Variants in FIP1L1 observed in about 807,000 individuals in gnomAD.
FIP1L1 encodes factor interacting with PAPOLA and CPSF1.
Under a neutral mutation model 84.6 loss-of-function variants are expected in FIP1L1, and 21 were observed. That is an observed-to-expected ratio of 0.25 (90% confidence interval 0.18 to 0.36). The LOEUF (loss-of-function observed/expected upper bound fraction) is 0.36. FIP1L1 is among the 10% of genes least tolerant of loss of function. The pLI is 1.00. For missense variants in FIP1L1, 526 were observed against 751.1 expected, an observed-to-expected ratio of 0.70 and a Z score of 3.50; for synonymous variants, 263 against 242.3, an observed-to-expected ratio of 1.09 and a Z score of -0.80.
rs187509752 is a variant in FIP1L1, at chr4:53,437,881, A to G, written c.1175-4772A>G. Among the ~76,000 whole-genome samples the G allele has an allele frequency of 1.1e-3, 173 of 152,080 alleles. 2 individuals are homozygous for G. In the East Asian group the frequency reaches 0.03, roughly 27 times the overall value. ...GCTGGGACTACAGGTGCATGCCACC[A>G]TGCTTGGCTAATTTTTTGTATTTTT... On this transcript the variant is annotated intron_variant, in intron 13 of 17. Transcript: ENST00000337488.
chr4:53,378,124 C>A, intron 1 of FIP1L1: 1 of 464,480 alleles, frequency 2.2e-6, no homozygotes, highest in Non-Finnish European at 3.8e-6. Context: ...GCCCACCATG[C>A]GCATCCACCC....
intron 3 of FIP1L1, among the ~76,000 whole-genome samples, chr4:53,381,402 C>G (rs1288837907): frequency 3.3e-5 from 5 of 152,082 alleles, no homozygotes; most frequent in Non-Finnish European, 7.4e-5. Context: ...CAAGTTTTGA[C>G]TAAAGAAGGG....
At chr4:53,391,984 T>C (rs917107426) in intron 9 of FIP1L1, among the ~76,000 whole-genome samples, 27 of 152,194 alleles carry the variant, frequency 1.8e-4, no homozygotes, top group African/African-American at 5.3e-4. Flanking sequence ...TCTGAGAGGC[T>C]TTAAGAACTC....
At chr4:53,397,820 T>C (rs777222840) in intron 9 of FIP1L1, among the ~76,000 whole-genome samples, 10 of 152,226 alleles carry the variant, frequency 6.6e-5, no homozygotes, top group Non-Finnish European at 1.3e-4. Flanking sequence ...GCTCAGTAGA[T>C]GATGGTGCCA....
At chr4:53,391,707 C>T (rs922089037) in intron 9 of FIP1L1, among the ~76,000 whole-genome samples, 7 of 152,036 alleles carry the variant, frequency 4.6e-5, no homozygotes, top group East Asian at 1.9e-4. Flanking sequence ...TAACAAATGC[C>T]GAGTAAAACT....
chr4:53,411,480 T>C (rs79035839), intron 10 of FIP1L1, among the ~76,000 whole-genome samples: 2,046 of 147,380 alleles, frequency 0.014, 45 homozygotes, highest in African/African-American at 0.049. Context: ...CCCATAAAAG[T>C]ATTTTTTTTG....
In FIP1L1 at chr4:53,460,053, A is replaced by G. The variant is rs2150529492; in HGVS notation, c.*604A>G. 9.9e-6 allele frequency: 1 copy of G among 101,130 alleles called. No individual in the cohort carries two copies. The highest frequency in any genetic ancestry group is 2.5e-3 in the Middle Eastern group (1 of 408). The allele number at this position is 101,130 out of a possible 1,614,324, so 6.3% of individuals were successfully genotyped here. A position where few individuals can be genotyped will look rare whatever the true frequency, so the allele number is the denominator to read the frequency against. Reference sequence around the variant, plus strand: ...AAGGCATCTGGGTGGCCTCTATGAAATAAATTAATTAATTACCCATAGTGT... The same window carrying G: ...AAGGCATCTGGGTGGCCTCTATGAAGTAAATTAATTAATTACCCATAGTGT... On this transcript the variant is annotated 3_prime_UTR_variant, in exon 18 of 18. Transcript: ENST00000337488.
chr4:53,442,722 A>C lies in FIP1L1; in HGVS notation c.1229+15A>C, dbSNP rs930574298. On this transcript the variant is annotated intron_variant, in intron 14 of 17. Transcript: ENST00000337488. ...ACAATAGAAAGGTAAATCAGTATGG[A>C]TACTGATTTTTGATCATTGATAGCC... 4.6e-6 allele frequency: 7 copies of C among 1,532,560 alleles called. No individual in the cohort carries two copies. The Admixed American group carries it at 6.9e-5, about 15-fold the overall frequency. The allele number at this position is 1,532,560 out of a possible 1,614,324, so 94.9% of individuals were successfully genotyped here.
intron 13 of FIP1L1, among the ~76,000 whole-genome samples, chr4:53,441,780 C>T (rs1251936453): frequency 6.6e-6 from 1 of 151,886 alleles, no homozygotes; most frequent in Non-Finnish European, 1.5e-5. Flanking sequence ...ACCTCTTGTT[C>T]TCATTTAGGA....
intron 11 of FIP1L1, among the ~76,000 whole-genome samples, chr4:53,417,759 ACACACTCTCTCTCTCTCTCT>A (rs1171134194): frequency 0.18 from 9,843 of 54,078 alleles, 656 homozygotes; most frequent in South Asian, 0.32. Flanking sequence ...ACACACACAC[ACACACTCTCTCTCTCTCTCT>A]CTCTCTCTCT....
chr4:53,437,426 G>GTAGA (rs1484319496), intron 13 of FIP1L1, among the ~76,000 whole-genome samples: 2 of 151,128 alleles, frequency 1.3e-5, no homozygotes, highest in Non-Finnish European at 2.9e-5. Flanking sequence ...AGTGTCATAG[G>GTAGA]TAGATGCTTT....
intron 12 of FIP1L1, 152 bp from the exon 13 acceptor site, chr4:53,427,875 A>T (rs7349642): frequency 0.13 from 77,194 of 585,538 alleles, 5,586 homozygotes; most frequent in Non-Finnish European, 0.15. Flanking sequence ...CACATATCAC[A>T]CATGTAGAAC....
rs919296136 is a variant in FIP1L1, at chr4:53,458,350, A to G, written c.1500-303A>G. On this transcript the variant is annotated intron_variant, in intron 16 of 17. Coordinates refer to ENST00000337488, the MANE Select transcript of FIP1L1 (RefSeq NM_030917.4). ...AATCAGTTGCAGATCTCACTTTTTC[A>G]AGAAATGAAAAAACCAAAGCATTGT... Among the ~76,000 whole-genome samples the G allele has an allele frequency of 2.0e-5, 3 of 152,134 alleles. No homozygotes were observed. The South Asian group carries it at 6.2e-4, about 31-fold the overall frequency.
intron 9 of FIP1L1, among the ~76,000 whole-genome samples, chr4:53,396,872 G>C: frequency 6.6e-6 from 1 of 152,174 alleles, no homozygotes; most frequent in African/African-American, 2.4e-5. Context: ...TTTTCTCCCT[G>C]TTGTGCAAAG....
At position 53,428,064 on chromosome 4, in the gene FIP1L1, A is replaced by G. The variant is rs762220348; in HGVS notation, c.1055A>G (p.Asn352Ser). 1 of 1,610,324 alleles carries G rather than the reference A, an allele frequency of 6.2e-7. No individual in the cohort carries two copies. Among genetic ancestry groups the G allele is most frequent in the Non-Finnish European group, 8.5e-7 (1 of 1,177,316 alleles). Residue 352 changes from asparagine (N) to serine (S), a missense_variant, in exon 13 of 18, where the codon AAT (asparagine) becomes AGT (serine). Coordinates refer to ENST00000337488, the MANE Select transcript of FIP1L1 (RefSeq NM_030917.4). Reference protein sequence around the residue: ...SERSATEVDNNFSKPPPFFPP... With the variant: ...SERSATEVDNSFSKPPPFFPP... ...AGATCTGCTACTGAAGTAGACAACA[A>G]TTTTAGCAAACCACCTCCGTTTTTC...
At chr4:53,381,665 T>A (rs1241780711) in intron 3 of FIP1L1, among the ~76,000 whole-genome samples, 1 of 151,878 alleles carries the variant, frequency 6.6e-6, no homozygotes, top group East Asian at 1.9e-4. Context: ...ATTAAGTTTG[T>A]CATATATTTT....
intron 14 of FIP1L1, among the ~76,000 whole-genome samples, chr4:53,443,075 A>G (rs1004050519): frequency 3.9e-5 from 6 of 152,094 alleles, no homozygotes; most frequent in African/African-American, 1.4e-4. Flanking sequence ...AGGGAAAACT[A>G]TTATGGGACC....
chr4:53,381,416 C>G (rs1482720090), intron 3 of FIP1L1, among the ~76,000 whole-genome samples: 2 of 152,146 alleles, frequency 1.3e-5, no homozygotes, highest in Non-Finnish European at 2.9e-5. Context: ...AGAAGGGATA[C>G]TGTTTTGTGA....
Position 53,379,244 on chromosome 4 carries a change from G to A in FIP1L1, c.150G>A (p.Arg50=). The change falls in exon 3 of 18, where the codon AGG becomes AGA. Residue 50 remains arginine (R), a synonymous_variant. Transcript: ENST00000337488. ...TGGTAGATGAAAATGAAGTTGAAAG[G>A]CCAGAAGAAGAAAATGCCAGGTTAG... is the stretch of plus-strand genomic sequence containing the variant. The part of the protein sequence containing the change: ...AKDLDENEVE[R]PEEENASANP... 3 of 1,600,844 alleles carry A rather than the reference G, an allele frequency of 1.9e-6. No individual in the cohort carries two copies. The highest frequency in any genetic ancestry group is 1.7e-6 in the Non-Finnish European group (2 of 1,176,620).
Sources: gnomAD v4.1 joint callset for allele counts (sites outside exome capture counted in the v4.1 genomes callset) on GRCh38, gnomAD v4.1.1 for gene constraint, MANE v1.5 for transcripts, NCBI Gene and HGNC (gene_info 2026-07-23, HGNC 2026-07-21) for gene names.